UTRN: variants seen among roughly 807,000 people sequenced by gnomAD.
UTRN encodes the protein utrophin.
UTRN carries 283 observed loss-of-function variants against 463.9 expected under a neutral mutation model. The ratio of observed to expected loss-of-function variants is 0.61; its 90% CI spans 0.55 to 0.67. UTRN has a LOEUF of 0.67. Among genes scored for constraint, UTRN ranks in the 30% least tolerant of loss-of-function variants. The pLI is 0.00. For missense variants in UTRN, 3,922 were observed against 4,084.3 expected (o/e 0.96, Z 1.08); for synonymous variants, 1,442 against 1,431.5 (o/e 1.01, Z -0.17).
chr6:144,684,295 T>A (rs1782518276), intron 52 of UTRN, among the ~76,000 whole-genome samples: 1 of 151,994 alleles, frequency 6.6e-6, no homozygotes, highest in Admixed American at 6.6e-5. Flanking sequence ...GGTGACCCAC[T>A]CGCCTTGGCC....
chr6:144,832,668 A>G (rs1780767348), intron 69 of UTRN, among the ~76,000 whole-genome samples: 2 of 152,224 alleles, frequency 1.3e-5, no homozygotes, highest in South Asian at 2.1e-4. Flanking sequence ...GATCAGCCAC[A>G]TAGCTTAAAG....
intron 50 of UTRN, among the ~76,000 whole-genome samples, chr6:144,561,707 A>G (rs1046447354): frequency 6.6e-6 from 1 of 152,108 alleles, no homozygotes; most frequent in Non-Finnish European, 1.5e-5. Context: ...TCACCGAGTC[A>G]CCATTTCCTT....
chr6:144,584,210 A>G (rs1251312159), intron 51 of UTRN, among the ~76,000 whole-genome samples: 1 of 152,186 alleles, frequency 6.6e-6, no homozygotes, highest in Admixed American at 6.5e-5. Context: ...TGACAGTTGC[A>G]AATTTCTAAT....
chr6:144,307,225 T>C (rs1292915331), intron 2 of UTRN, among the ~76,000 whole-genome samples: 1 of 152,190 alleles, frequency 6.6e-6, no homozygotes, highest in African/African-American at 2.4e-5. Context: ...TTAGTAGATA[T>C]TATTAGTTGA....
At chr6:144,702,105 A>T (rs1329195857) in intron 53 of UTRN, among the ~76,000 whole-genome samples, 3 of 152,224 alleles carry the variant, frequency 2.0e-5, no homozygotes, top group Non-Finnish European at 4.4e-5. Flanking sequence ...CTCTTCTAAT[A>T]GATGTGCTCT....
intron 65 of UTRN, among the ~76,000 whole-genome samples, chr6:144,805,224 A>G (rs1778041685): frequency 6.6e-6 from 1 of 152,144 alleles, no homozygotes; most frequent in East Asian, 1.9e-4. Flanking sequence ...ATCAGAGTAT[A>G]CCCAGAAAGA....
At chr6:144,460,142 C>T (rs1046495391) in intron 21 of UTRN, among the ~76,000 whole-genome samples, 1 of 151,800 alleles carries the variant, frequency 6.6e-6, no homozygotes, top group African/African-American at 2.4e-5. Context: ...TTGGCAGTCT[C>T]ATACTGTCTT....
At chr6:144,595,028 T>C (rs1803494722) in intron 51 of UTRN, among the ~76,000 whole-genome samples, 1 of 152,200 alleles carries the variant, frequency 6.6e-6, no homozygotes, top group Non-Finnish European at 1.5e-5. Context: ...CACAGTAATG[T>C]ACTTTTAATA....
At chr6:144,458,686 T>G in intron 19 of UTRN, 84 bp from the exon 20 acceptor site, 1 of 1,467,706 alleles carries the variant, frequency 6.8e-7, no homozygotes, top group Admixed American at 2.5e-5. Context: ...TGCCTCACTA[T>G]TCTGAGTGTT....
At position 144,447,620 on chromosome 6, in the gene UTRN, G is replaced by C; in HGVS notation, c.1741G>C (p.Glu581Gln). Residue 581 changes from glutamate to glutamine, a missense_variant, in exon 16 of 75, where the codon GAA (glutamate) becomes CAA (glutamine). Coordinates refer to ENST00000367545, the MANE Select transcript of UTRN (RefSeq NM_007124.3). ...RRLAILKEDMEMKRQTLDQLS... is the reference protein window; with the variant it reads ...RRLAILKEDMQMKRQTLDQLS... ...ATACTAGATTTTGAAGGAAGACATGGAAATGAAGCGTCAAACATTGGATCA... is the reference window on the plus strand; with the variant it reads ...ATACTAGATTTTGAAGGAAGACATGCAAATGAAGCGTCAAACATTGGATCA... 6.2e-7 allele frequency: 1 copy of C among 1,613,258 alleles called. No homozygotes were observed. Among genetic ancestry groups the C allele is most frequent in the Non-Finnish European group, 8.5e-7 (1 of 1,179,792 alleles).
chr6:144,831,391 A>C (rs927914834), intron 69 of UTRN, among the ~76,000 whole-genome samples: 21 of 152,166 alleles, frequency 1.4e-4, no homozygotes, highest in Non-Finnish European at 2.4e-4. Context: ...GGTCAGAGAG[A>C]GATCTGCAGA....
chr6:144,429,510 A>G (rs1316832492), intron 8 of UTRN, 71 bp from the exon 9 acceptor site: 1 of 1,374,414 alleles, frequency 7.3e-7, no homozygotes, highest in Non-Finnish European at 1.0e-6. Flanking sequence ...GTTATTTTAT[A>G]TCTAATATTG....
At chr6:144,706,050 T>C (rs1785054759) in intron 53 of UTRN, among the ~76,000 whole-genome samples, 1 of 152,046 alleles carries the variant, frequency 6.6e-6, no homozygotes, top group Non-Finnish European at 1.5e-5. Flanking sequence ...TATCGAATAG[T>C]CTAAGCATAG....
chr6:144,460,451 C>T (rs952994292), intron 21 of UTRN, among the ~76,000 whole-genome samples: 6 of 152,202 alleles, frequency 3.9e-5, no homozygotes, highest in African/African-American at 9.7e-5. Flanking sequence ...GCAAATGTGT[C>T]GTATTGCCTT....
intron 51 of UTRN, among the ~76,000 whole-genome samples, chr6:144,618,601 C>T (rs1775017379): frequency 6.6e-6 from 1 of 152,014 alleles, no homozygotes; most frequent in Non-Finnish European, 1.5e-5. Flanking sequence ...AACCAAGAAA[C>T]TTTAAAAAAA....
At chr6:144,392,905 A>G (rs76937308) in intron 2 of UTRN, among the ~76,000 whole-genome samples, 7,923 of 152,246 alleles carry the variant, frequency 0.052, 682 homozygotes, top group African/African-American at 0.18. Flanking sequence ...AAACAAGAGG[A>G]CAATTTAAGA....
intron 58 of UTRN, among the ~76,000 whole-genome samples, chr6:144,762,617 T>A (rs896578303): frequency 2.6e-5 from 4 of 152,174 alleles, no homozygotes; most frequent in African/African-American, 9.7e-5. Flanking sequence ...TGCTTTTTCA[T>A]AGATAGGAAG....
At chr6:144,690,273 A>G (rs1286054359) in intron 52 of UTRN, among the ~76,000 whole-genome samples, 1 of 151,212 alleles carries the variant, frequency 6.6e-6, no homozygotes, top group Admixed American at 6.6e-5. Context: ...GTAGTGTTCC[A>G]AGGAGGAGCA....
intron 56 of UTRN, among the ~76,000 whole-genome samples, chr6:144,753,680 T>G (rs1791641235): frequency 6.9e-6 from 1 of 144,746 alleles, no homozygotes; most frequent in Non-Finnish European, 1.5e-5. Flanking sequence ...CTGGGCAGCA[T>G]AGTGAGACCT....
Sources: allele counts gnomAD v4.1 joint callset (sites outside exome capture counted in the v4.1 genomes callset), GRCh38; gene constraint gnomAD v4.1.1; transcripts MANE v1.5; gene names NCBI Gene and HGNC (gene_info 2026-07-23, HGNC 2026-07-21).